CSMD1: variants seen among roughly 807,000 people sequenced by gnomAD.
CSMD1 encodes CUB and Sushi multiple domains 1.
In CSMD1, 213 loss-of-function variants were observed where a neutral mutation model predicts 417.5. The ratio of observed to expected loss-of-function variants is 0.51; its 90% confidence interval spans 0.46 to 0.57. CSMD1 has a LOEUF of 0.57. Among genes scored for constraint, CSMD1 ranks in the 20% least tolerant of loss-of-function variants. The probability of loss-of-function intolerance (pLI) is 0.00; values close to 1 mark genes in which losing one functional copy is unlikely to be tolerated. For missense variants in CSMD1, 6,923 were observed against 4,529.7 expected (o/e 1.53, Z -15.17); for synonymous variants, 2,862 against 1,736.8 (o/e 1.65, Z -16.11).
At chr8:4,150,946 C>T (rs371072045) in intron 3 of CSMD1, among the ~76,000 whole-genome samples, 118 of 152,272 alleles carry the variant, frequency 7.7e-4, no homozygotes, top group African/African-American at 2.7e-3. Flanking sequence ...TCTGCAACGT[C>T]CAAACTTTCA....
chr8:3,822,926 T>G (rs1227312291), intron 5 of CSMD1, among the ~76,000 whole-genome samples: 3 of 152,196 alleles, frequency 2.0e-5, no homozygotes, highest in African/African-American at 7.2e-5. Context: ...TAAAGACTGT[T>G]TGGTATTCTA....
intron 5 of CSMD1, among the ~76,000 whole-genome samples, chr8:3,801,093 G>T (rs960627124): frequency 6.6e-6 from 1 of 151,718 alleles, no homozygotes; most frequent in African/African-American, 2.4e-5. Context: ...AAAGCACAAG[G>T]AATTAAAGAA....
chr8:4,171,475 A>C (rs1020521227), intron 3 of CSMD1, among the ~76,000 whole-genome samples: 1 of 151,948 alleles, frequency 6.6e-6, no homozygotes, highest in Non-Finnish European at 1.5e-5. Context: ...TAAGAAATAC[A>C]TAAGAACAGA....
chr8:4,336,949 T>C (rs753851245), intron 3 of CSMD1, among the ~76,000 whole-genome samples: 3 of 152,070 alleles, frequency 2.0e-5, no homozygotes, highest in Non-Finnish European at 2.9e-5. Context: ...GCTACAATGT[T>C]GAAATGGAGC....
chr8:3,142,036 AT>A (rs1818530491), intron 41 of CSMD1, among the ~76,000 whole-genome samples: 1 of 151,992 alleles, frequency 6.6e-6, no homozygotes, highest in Non-Finnish European at 1.5e-5. Flanking sequence ...TGACCTCGTG[AT>A]CCGCCCGCCT....
chr8:3,464,218 G>A lies in CSMD1; in HGVS notation c.1561+4494C>T, dbSNP rs891398904. Among the ~76,000 whole-genome samples the A allele has an allele frequency of 2.6e-5, 4 of 151,652 alleles. No homozygotes were observed. The East Asian group carries it at 5.8e-4, about 22-fold the overall frequency. ...ATGAACTCGAACCGAATTTTTTTTT[G>A]TAACCAAAAATGCTTCAGAGTCAAC... is the stretch of plus-strand genomic sequence containing the variant. On this transcript the variant is annotated intron_variant, in intron 12 of 69. Coordinates refer to ENST00000635120, the MANE Select transcript of CSMD1 (RefSeq NM_033225.6).
chr8:4,050,560 C>G (rs188599474), intron 3 of CSMD1, among the ~76,000 whole-genome samples: 2 of 152,164 alleles, frequency 1.3e-5, no homozygotes, highest in East Asian at 1.9e-4. Flanking sequence ...ATGTTACAAA[C>G]AATCTAATCA....
At chr8:4,605,767 G>A (rs1800835054) in intron 2 of CSMD1, among the ~76,000 whole-genome samples, 1 of 152,186 alleles carries the variant, frequency 6.6e-6, no homozygotes, top group Non-Finnish European at 1.5e-5. Flanking sequence ...AATTTACGCT[G>A]CCATTGCAAG....
chr8:3,624,989 A>G (rs1039848306), intron 7 of CSMD1, among the ~76,000 whole-genome samples: 4 of 152,132 alleles, frequency 2.6e-5, no homozygotes, highest in Admixed American at 1.3e-4. Flanking sequence ...AAATGTTGCC[A>G]TGGTAATCAT....
chr8:3,200,078 C>T (rs889305789), intron 32 of CSMD1, among the ~76,000 whole-genome samples: 2 of 151,794 alleles, frequency 1.3e-5, no homozygotes, highest in African/African-American at 4.8e-5. Flanking sequence ...AATGGTAGGC[C>T]TATATAATAG....
chr8:3,409,413 T>G lies in CSMD1; in HGVS notation c.1744+10A>C. ...ACAGGAGGGAGTCCAGGTCAAGGCA[T>G]AATACTCACATACACAGCTGGGCTT... On this transcript the variant is annotated intron_variant, in intron 13 of 69. Coordinates refer to ENST00000635120, the MANE Select transcript of CSMD1 (RefSeq NM_033225.6). 1 of 1,603,476 alleles carries G rather than the reference T, an allele frequency of 6.2e-7. No individual in the cohort carries two copies. The highest frequency in any genetic ancestry group is 1.1e-5 in the South Asian group (1 of 88,772).
intron 11 of CSMD1, among the ~76,000 whole-genome samples, chr8:3,489,074 C>A (rs181898919): frequency 3.9e-5 from 6 of 152,160 alleles, no homozygotes; most frequent in African/African-American, 1.2e-4. Flanking sequence ...CAAATACACA[C>A]GTCTGTGCAT....
chr8:4,303,861 T>G (rs756654602), intron 3 of CSMD1, among the ~76,000 whole-genome samples: 11 of 152,064 alleles, frequency 7.2e-5, no homozygotes, highest in Non-Finnish European at 1.5e-4. Context: ...TTCACTATGT[T>G]GCCCAGGCTG....
At chr8:4,554,580 T>C (rs1798009153) in intron 2 of CSMD1, among the ~76,000 whole-genome samples, 1 of 152,226 alleles carries the variant, frequency 6.6e-6, no homozygotes, top group Non-Finnish European at 1.5e-5. Context: ...AAGCTGTATA[T>C]GACATTTAAA....
intron 3 of CSMD1, among the ~76,000 whole-genome samples, chr8:4,175,993 G>C (rs1174034743): frequency 2.6e-5 from 4 of 152,158 alleles, no homozygotes; most frequent in African/African-American, 7.2e-5. Flanking sequence ...CTCTGTCCTT[G>C]AGAGGCTAGC....
intron 26 of CSMD1, among the ~76,000 whole-genome samples, chr8:3,240,213 T>C (rs1019109287): frequency 2.2e-4 from 34 of 151,850 alleles, no homozygotes; most frequent in Admixed American, 1.2e-3. Flanking sequence ...ACTTCAGCTG[T>C]GGGTAATGAA....
At chr8:3,421,468 T>G (rs1813484361) in intron 12 of CSMD1, among the ~76,000 whole-genome samples, 1 of 152,220 alleles carries the variant, frequency 6.6e-6, no homozygotes, top group African/African-American at 2.4e-5. Context: ...ATCAAAGACT[T>G]CATTTTATTT....
At chr8:2,956,889 GTA>G (rs1229402019) in intron 63 of CSMD1, among the ~76,000 whole-genome samples, 2 of 151,982 alleles carry the variant, frequency 1.3e-5, no homozygotes, top group Non-Finnish European at 2.9e-5. Context: ...ATATGTGTAT[GTA>G]TATACATATA....
At chr8:4,193,561 G>T (rs1374925144) in intron 3 of CSMD1, among the ~76,000 whole-genome samples, 1 of 152,048 alleles carries the variant, frequency 6.6e-6, no homozygotes, top group Non-Finnish European at 1.5e-5. Flanking sequence ...AGAGGCTGTG[G>T]GAAAACAAAT....
Sources: gnomAD v4.1 joint callset for allele counts (sites outside exome capture counted in the v4.1 genomes callset) on GRCh38, gnomAD v4.1.1 for gene constraint, MANE v1.5 for transcripts, NCBI Gene and HGNC (gene_info 2026-07-23, HGNC 2026-07-21) for gene names.